The following CASP6 variants were observed in gnomAD, a reference collection of about 807,000 sequenced individuals.
The protein encoded by CASP6 is caspase-6.
In CASP6, 20 loss-of-function variants were observed where a neutral mutation model predicts 31.8. The ratio of observed to expected loss-of-function variants is 0.63; its 90% CI spans 0.44 to 0.91. The LOEUF (loss-of-function observed/expected upper bound fraction) is 0.91. Among genes scored for constraint, CASP6 ranks in the 40% least tolerant of loss-of-function variants. The pLI is 0.00. For missense variants in CASP6, 328 were observed against 361.1 expected, an observed-to-expected ratio of 0.91 and a Z score of 0.74; for synonymous variants, 130 against 127.8, an observed-to-expected ratio of 1.02 and a Z score of -0.12.
intron 5 of CASP6, chr4:109,692,116 T>A (rs1730075864): frequency 6.6e-6 from 1 of 152,228 alleles, no homozygotes; most frequent in Non-Finnish European, 1.5e-5. Context: ...AAGTCCTGAA[T>A]GATTTCAAAT....
chr4:109,669,093 T>A, the CASP6 span, among the ~76,000 whole-genome samples: 1 of 152,128 alleles, frequency 6.6e-6, no homozygotes, highest in East Asian at 1.9e-4. Flanking sequence ...TAAAGGTTTT[T>A]ATTTTACCTC....
At chr4:109,681,264 A>C in the CASP6 span, among the ~76,000 whole-genome samples, 1 of 152,196 alleles carries the variant, frequency 6.6e-6, no homozygotes, top group South Asian at 2.1e-4. Context: ...TGACAAGTCA[A>C]AGGAAAAGGT....
At chr4:109,678,614 C>G in the CASP6 span, among the ~76,000 whole-genome samples, 1 of 143,660 alleles carries the variant, frequency 7.0e-6, no homozygotes, top group South Asian at 2.3e-4. Context: ...AGAGGCACTC[C>G]TCACCTCCCA....
intron 3 of CASP6, among the ~76,000 whole-genome samples, chr4:109,697,217 T>A (rs574278281): frequency 1.3e-5 from 2 of 152,258 alleles, no homozygotes; most frequent in East Asian, 3.9e-4. Flanking sequence ...AAGTCTGGAA[T>A]TTTTTTAATT....
At chr4:109,684,575 G>A (rs766097936), downstream of CASP6, 1 of 1,607,464 alleles carries the variant, frequency 6.2e-7, no homozygotes, top group Non-Finnish European at 8.5e-7. Context: ...GGATATCATG[G>A]AGCCAGTTAC....
the CASP6 span, among the ~76,000 whole-genome samples, chr4:109,682,124 G>A: frequency 6.6e-6 from 1 of 152,138 alleles, no homozygotes; most frequent in Non-Finnish European, 1.5e-5. Flanking sequence ...AGGTGGATGC[G>A]GTCACCTTCC....
At chr4:109,699,356 T>A (rs1024457030) in intron 1 of CASP6, among the ~76,000 whole-genome samples, 2 of 152,062 alleles carry the variant, frequency 1.3e-5, no homozygotes, top group Non-Finnish European at 2.9e-5. Context: ...TCCTTAGAGA[T>A]CTCCCCATTA....
downstream of CASP6, among the ~76,000 whole-genome samples, chr4:109,684,065 CTT>C (rs71595507): frequency 7.9e-4 from 110 of 139,792 alleles, no homozygotes; most frequent in Non-Finnish European, 7.4e-4. Flanking sequence ...TTCCTCTTTT[CTT>C]TTTTTTTTTT....
At chr4:109,684,069 T>TC (rs1420205613), downstream of CASP6, among the ~76,000 whole-genome samples, 1 of 150,706 alleles carries the variant, frequency 6.6e-6, no homozygotes, top group Non-Finnish European at 1.5e-5. Flanking sequence ...TCTTTTCTTT[T>TC]TTTTTTTTTT....
At chr4:109,673,997 G>A in the CASP6 span, 13 of 1,053,110 alleles carry the variant, frequency 1.2e-5, no homozygotes, top group Non-Finnish European at 1.9e-5. Flanking sequence ...AAGAGCAGGG[G>A]AAATACTAAA....
chr4:109,667,901 C>T, the CASP6 span, among the ~76,000 whole-genome samples: 3 of 151,490 alleles, frequency 2.0e-5, no homozygotes, highest in African/African-American at 7.3e-5. Flanking sequence ...TCTTCTTTGA[C>T]CCATGTGTTA....
the CASP6 span, among the ~76,000 whole-genome samples, chr4:109,676,856 A>G: frequency 1.4e-3 from 208 of 152,362 alleles, no homozygotes; most frequent in African/African-American, 4.9e-3. Context: ...GTAAAATGAG[A>G]GGAGAATAGA....
chr4:109,690,948 G>T lies in CASP6; in HGVS notation c.545C>A (p.Thr182Lys). Residue 182 changes from threonine to lysine, a missense_variant, in exon 6 of 7, where the codon ACA (threonine) becomes AAA (lysine). Physicochemically the swap from Thr to Lys is moderately conservative, Grantham distance 78 (BLOSUM62 -1). Coordinates refer to ENST00000265164, the MANE Select transcript of CASP6 (RefSeq NM_001226.4). ...VIPLDVVDNQ[T>K]EKLDTNITEV... is the part of the protein sequence containing the mutation. ...AGTTATGTTGGTGTCCAACTTCTCT[G>T]TCTGATTATCTACTACATCCAAAGG... 6.2e-7 allele frequency: 1 copy of T among 1,613,902 alleles called. No individual in the cohort carries two copies. The highest frequency in any genetic ancestry group is 8.5e-7 in the Non-Finnish European group (1 of 1,179,886).
chr4:109,675,359 T>C, the CASP6 span, among the ~76,000 whole-genome samples: 1 of 152,250 alleles, frequency 6.6e-6, no homozygotes, highest in Non-Finnish European at 1.5e-5. Context: ...AACCATGGCC[T>C]ATAAAAACTG....
At chr4:109,703,519 T>G, upstream of CASP6, 1 of 1,219,358 alleles carries the variant, frequency 8.2e-7, no homozygotes, top group Non-Finnish European at 1.1e-6. Context: ...GTGGGGCCAG[T>G]TGGTTCTGAT....
chr4:109,672,597 TCTTA>T, the CASP6 span, among the ~76,000 whole-genome samples: 2 of 152,206 alleles, frequency 1.3e-5, no homozygotes, highest in African/African-American at 2.4e-5. Flanking sequence ...AATAGAAGGC[TCTTA>T]CTTACAGTGA....
intron 5 of CASP6, among the ~76,000 whole-genome samples, chr4:109,691,794 G>A (rs978819748): frequency 6.6e-6 from 1 of 152,162 alleles, no homozygotes; most frequent in Non-Finnish European, 1.5e-5. Flanking sequence ...AACATGACTA[G>A]TGTCTTCATA....
chr4:109,682,785 A>G, the CASP6 span: 9 of 1,485,052 alleles, frequency 6.1e-6, no homozygotes, highest in African/African-American at 1.3e-4. Flanking sequence ...AATAATACCT[A>G]GTGTTTATTG....
At chr4:109,673,935 C>T in the CASP6 span, 2 of 786,996 alleles carry the variant, frequency 2.5e-6, no homozygotes, top group South Asian at 1.3e-5. Context: ...CATTCGTACC[C>T]ATTGGAATAG....
Sources: allele counts gnomAD v4.1 joint callset (sites outside exome capture counted in the v4.1 genomes callset), GRCh38; gene constraint gnomAD v4.1.1; transcripts MANE v1.5; gene names NCBI Gene and HGNC (gene_info 2026-07-23, HGNC 2026-07-21).